Variants in DTNA observed in about 807,000 individuals in gnomAD.
DTNA encodes the protein dystrophin-related protein 3.
In DTNA, 43 loss-of-function variants were observed where a neutral mutation model predicts 100.7. That is an observed-to-expected ratio of 0.43 (90% confidence interval 0.33 to 0.55). DTNA has a LOEUF of 0.55. Ranked by LOEUF, DTNA falls within the 20% of genes least tolerant of loss-of-function variation. The pLI is 0.04. For missense variants in DTNA, 798 were observed against 953.9 expected (o/e 0.84, Z 2.15); for synonymous variants, 349 against 347.9 (o/e 1.00, Z -0.04).
chr18:34,776,688 T>C (rs1422490677), intron 3 of DTNA, among the ~76,000 whole-genome samples: 1 of 152,204 alleles, frequency 6.6e-6, no homozygotes, highest in Non-Finnish European at 1.5e-5. Flanking sequence ...CAAAGGGATA[T>C]CTAAACCCAG....
Position 34,591,113 on chromosome 18 carries a change from AT to A in DTNA, c.-2+97608del, listed in dbSNP as rs113703399. ...AAATATTAGCAAACCTAAACATTTCATTTTTTTTTCTATTTTTCTTATAAGC... is the reference window on the plus strand; with the variant it reads ...AAATATTAGCAAACCTAAACATTTCATTTTTTTTCTATTTTTCTTATAAGC... On this transcript the variant is annotated intron_variant, in intron 1 of 19. Coordinates refer to the DTNA transcript ENST00000283365. 2.8e-3 allele frequency among the ~76,000 whole-genome samples: 428 copies of A among 151,462 alleles called. 5 individuals are homozygous for A. The highest frequency in any genetic ancestry group is 9.5e-3 in the African/African-American group (393 of 41,316).
intron 17 of DTNA, chr18:34,868,154 C>CAAAAAAAAAAAA (rs34776092): frequency 1.2e-5 from 2 of 172,580 alleles, no homozygotes; most frequent in Non-Finnish European, 8.4e-6. Flanking sequence ...GGCAATGAAG[C>CAAAAAAAAAAAA]AAAAAAAAAA....
At chr18:34,561,544 A>G (rs1045319476) in intron 1 of DTNA, among the ~76,000 whole-genome samples, 1 of 152,146 alleles carries the variant, frequency 6.6e-6, no homozygotes, top group African/African-American at 2.4e-5. Flanking sequence ...TTACAATGCT[A>G]TTGAAATAGC....
At chr18:34,763,575 C>T (rs1248727255) in intron 2 of DTNA, among the ~76,000 whole-genome samples, 2 of 152,050 alleles carry the variant, frequency 1.3e-5, no homozygotes, top group African/African-American at 4.8e-5. Context: ...TAAAAGCTGG[C>T]ATAATGAGCC....
At chr18:34,819,391 C>T (rs2095659878) in intron 8 of DTNA, among the ~76,000 whole-genome samples, 1 of 152,116 alleles carries the variant, frequency 6.6e-6, no homozygotes, top group South Asian at 2.1e-4. Flanking sequence ...GAGAACTTGC[C>T]AATTCCAATG....
At chr18:34,568,502 T>A (rs909753563) in intron 1 of DTNA, among the ~76,000 whole-genome samples, 19 of 152,320 alleles carry the variant, frequency 1.2e-4, no homozygotes, top group African/African-American at 4.1e-4. Flanking sequence ...CTATCCTCTA[T>A]CCTCCTTCTC....
In DTNA at chr18:34,502,255, T is replaced by C. The variant is rs1474559641; in HGVS notation, c.-2+8741T>C. Among the ~76,000 whole-genome samples, 5 of 152,198 alleles carry C rather than the reference T, an allele frequency of 3.3e-5. No homozygotes were observed. The East Asian group carries it at 9.6e-4, about 29-fold the overall frequency. ...CCTGATGTTACTAATTTATGTCTTC[T>C]CTCTTTTCTGTCAGTTTTGCTAGAG... On this transcript the variant is annotated intron_variant, in intron 1 of 19. Transcript: ENST00000283365.
At chr18:34,505,803 A>G (rs1232695505) in intron 1 of DTNA, among the ~76,000 whole-genome samples, 1 of 152,198 alleles carries the variant, frequency 6.6e-6, no homozygotes, top group Non-Finnish European at 1.5e-5. Context: ...TTGTCAAATA[A>G]TTCTAACATC....
At chr18:34,666,140 T>C (rs1157416439) in intron 1 of DTNA, among the ~76,000 whole-genome samples, 1 of 152,242 alleles carries the variant, frequency 6.6e-6, no homozygotes, top group African/African-American at 2.4e-5. Flanking sequence ...GATATCTCAT[T>C]GTGGTTTTGA....
intron 1 of DTNA, chr18:34,494,134 T>C (rs1384638550): frequency 6.6e-6 from 1 of 151,608 alleles, no homozygotes; most frequent in East Asian, 2.0e-4. Flanking sequence ...CGGGTTGAGT[T>C]GTTTTCGTTG....
intron 18 of DTNA, 76 bp downstream of exon 18, chr18:34,875,474 A>G: frequency 6.2e-7 from 1 of 1,602,782 alleles, no homozygotes; most frequent in Non-Finnish European, 8.5e-7. Flanking sequence ...AGTGGTCAAG[A>G]GTTGTCAGAA....
chr18:34,576,359 G>C (rs1283130927), intron 1 of DTNA, among the ~76,000 whole-genome samples: 8 of 152,164 alleles, frequency 5.3e-5, no homozygotes, highest in Non-Finnish European at 1.2e-4. Context: ...AAACTTGCAG[G>C]GAGGGAATCA....
chr18:34,684,958 G>A (rs1012353138), intron 1 of DTNA, among the ~76,000 whole-genome samples: 4 of 152,226 alleles, frequency 2.6e-5, no homozygotes, highest in African/African-American at 9.6e-5. Context: ...TTTGAAAAAT[G>A]TCTGTTCATA....
At chr18:34,722,399 A>G (rs1250979917) in intron 1 of DTNA, among the ~76,000 whole-genome samples, 2 of 152,248 alleles carry the variant, frequency 1.3e-5, no homozygotes, top group African/African-American at 4.8e-5. Context: ...ATTATGCAGT[A>G]AAATACTACT....
intron 1 of DTNA, among the ~76,000 whole-genome samples, chr18:34,644,358 T>C (rs908253710): frequency 6.6e-5 from 10 of 152,192 alleles, no homozygotes; most frequent in African/African-American, 2.4e-4. Flanking sequence ...GTAATGTTTA[T>C]GTTTATTAGT....
chr18:34,839,575 G>C (rs1253249446), intron 13 of DTNA, among the ~76,000 whole-genome samples: 1 of 152,068 alleles, frequency 6.6e-6, no homozygotes, highest in Non-Finnish European at 1.5e-5. Flanking sequence ...TAAAGGAAAA[G>C]GACAAACTAT....
rs1346045882 is a variant in DTNA, at chr18:34,652,087, G to GAA, written c.-1-103888_-1-103887dup. On this transcript the variant is annotated intron_variant, in intron 1 of 19. Transcript: ENST00000283365. ...TCTCAAAAGAAAGAAAAGAAAAAAG[G>GAA]AAGGAAGGAAGGAAGGTAGGAAGGA... Among the ~76,000 whole-genome samples, 473 of 142,916 alleles carry GAA rather than the reference G, an allele frequency of 3.3e-3. 2 individuals carry two copies. The highest frequency in any genetic ancestry group is 0.012 in the African/African-American group (439 of 35,982). 93.8% of individuals were successfully genotyped at this position (142,916 alleles called of 152,430 possible). A position where few individuals can be genotyped will look rare whatever the true frequency, so the allele number is the denominator to read the frequency against.
At chr18:34,578,440 T>C (rs753421323) in intron 1 of DTNA, among the ~76,000 whole-genome samples, 2 of 152,262 alleles carry the variant, frequency 1.3e-5, no homozygotes, top group Middle Eastern at 3.4e-3. Context: ...CTGCTTACTG[T>C]TCCTTTTGCC....
At chr18:34,496,024 A>G (rs1473683422) in intron 1 of DTNA, among the ~76,000 whole-genome samples, 1 of 152,146 alleles carries the variant, frequency 6.6e-6, no homozygotes, top group African/African-American at 2.4e-5. Context: ...TGACATTCAT[A>G]GATTTCCTTT....
Sources: gnomAD v4.1 joint callset for allele counts (sites outside exome capture counted in the v4.1 genomes callset) on GRCh38, gnomAD v4.1.1 for gene constraint, MANE v1.5 for transcripts, NCBI Gene and HGNC (gene_info 2026-07-23, HGNC 2026-07-21) for gene names.